TMEFF2: variants seen among roughly 807,000 people sequenced by gnomAD.
The protein encoded by TMEFF2 is tomoregulin-2.
A neutral mutation model predicts 53.8 loss-of-function variants in TMEFF2; 28 were observed. The ratio of observed to expected loss-of-function variants is 0.52; its 90% confidence interval spans 0.39 to 0.71. The LOEUF (loss-of-function observed/expected upper bound fraction) is 0.71, where lower values mean the gene tolerates loss of function less well. TMEFF2 is among the 30% of genes least tolerant of loss of function. The probability of loss-of-function intolerance (pLI) is 0.00; values close to 1 mark genes in which losing one functional copy is unlikely to be tolerated. For missense variants in TMEFF2, 353 were observed against 455.2 expected, an observed-to-expected ratio of 0.78 and a Z score of 2.04; for synonymous variants, 162 against 166.3, an observed-to-expected ratio of 0.97 and a Z score of 0.20.
intron 4 of TMEFF2, among the ~76,000 whole-genome samples, chr2:192,173,882 G>C (rs536701033): frequency 6.6e-6 from 1 of 151,626 alleles, no homozygotes; most frequent in Non-Finnish European, 1.5e-5. Flanking sequence ...TAAACCCTTC[G>C]GAGAAATTAT....
Position 191,950,159 on chromosome 2 carries a change from T to C in TMEFF2, c.*152A>G. 4.2e-6 allele frequency: 6 copies of C among 1,435,816 alleles called. No individual in the cohort carries two copies. Among genetic ancestry groups the C allele is most frequent in the Non-Finnish European group, 4.6e-6 (5 of 1,098,518 alleles). 88.9% of individuals were successfully genotyped at this position (1,435,816 alleles called of 1,614,324 possible). A position where few individuals can be genotyped will look rare whatever the true frequency, so the allele number is the denominator to read the frequency against. On this transcript the variant is annotated 3_prime_UTR_variant, in exon 10 of 10. Transcript: ENST00000272771. The stretch of plus-strand genomic sequence containing the variant: ...CTATTTCAAATATATCCATACATAA[T>C]CAAATATAGCTGTAGTACATGTTTT...
chr2:191,961,582 T>C (rs796246443), intron 7 of TMEFF2, among the ~76,000 whole-genome samples: 11 of 152,270 alleles, frequency 7.2e-5, no homozygotes, highest in African/African-American at 1.9e-4. Context: ...AGGAAAAAAC[T>C]GTTCTGTTCT....
chr2:192,021,186 C>G (rs565695019), intron 5 of TMEFF2, among the ~76,000 whole-genome samples: 32 of 152,288 alleles, frequency 2.1e-4, no homozygotes, highest in African/African-American at 7.7e-4. Flanking sequence ...AGGACACTTA[C>G]TTACTCAATT....
intron 5 of TMEFF2, among the ~76,000 whole-genome samples, chr2:192,022,244 G>A (rs1686874361): frequency 6.6e-6 from 1 of 152,142 alleles, no homozygotes; most frequent in Non-Finnish European, 1.5e-5. Flanking sequence ...AAACCCAGGT[G>A]GGTGTGCAGC....
chr2:192,054,530 T>G (rs535921326), intron 5 of TMEFF2, among the ~76,000 whole-genome samples: 1 of 152,258 alleles, frequency 6.6e-6, no homozygotes, highest in East Asian at 1.9e-4. Flanking sequence ...CTTTTCATAC[T>G]GCCTTCATAC....
At chr2:192,012,514 A>C (rs1038553916) in intron 5 of TMEFF2, among the ~76,000 whole-genome samples, 1 of 152,164 alleles carries the variant, frequency 6.6e-6, no homozygotes, top group African/African-American at 2.4e-5. Flanking sequence ...GGATACTTTC[A>C]TTATTCATCC....
intron 5 of TMEFF2, among the ~76,000 whole-genome samples, chr2:192,056,689 T>TC (rs1318590672): frequency 6.6e-6 from 1 of 152,092 alleles, no homozygotes; most frequent in East Asian, 1.9e-4. Context: ...GCTGTCCCCC[T>TC]CCCCAGATTC....
At chr2:192,028,561 G>A (rs1271957160) in intron 5 of TMEFF2, 2 of 151,958 alleles carry the variant, frequency 1.3e-5, no homozygotes, top group Admixed American at 1.3e-4. Flanking sequence ...CATTTATACT[G>A]AAAATTATGA....
intron 7 of TMEFF2, among the ~76,000 whole-genome samples, chr2:191,996,218 CTT>C (rs1177161098): frequency 2.0e-5 from 3 of 151,694 alleles, no homozygotes; most frequent in Non-Finnish European, 4.4e-5. Context: ...ATTGGAATAA[CTT>C]TATAAATGCA....
rs1191705443 is a variant in TMEFF2, at chr2:192,025,140, A to G, written c.537-25932T>C. ...TAGTGAGGAATCCAGACTTCAAGCT[A>G]TATCAAGCATTGTGTTGGTGATGGA... On this transcript the variant is annotated intron_variant, in intron 5 of 9. Transcript: ENST00000272771. Among the ~76,000 whole-genome samples, 5 of 152,342 alleles carry G rather than the reference A, an allele frequency of 3.3e-5. No individual in the cohort carries two copies. The East Asian group carries it at 9.6e-4, about 29-fold the overall frequency.
At chr2:192,008,850 G>T (rs1185471064) in intron 5 of TMEFF2, among the ~76,000 whole-genome samples, 2 of 152,170 alleles carry the variant, frequency 1.3e-5, no homozygotes, top group African/African-American at 4.8e-5. Context: ...CCTCTGTTAT[G>T]CTTTCACTTG....
intron 7 of TMEFF2, among the ~76,000 whole-genome samples, chr2:191,985,844 A>C (rs1051029273): frequency 6.6e-6 from 1 of 152,156 alleles, no homozygotes; most frequent in African/African-American, 2.4e-5. Context: ...TCAGTAGGTA[A>C]GACAGCACAC....
intron 7 of TMEFF2, among the ~76,000 whole-genome samples, chr2:191,975,151 T>C (rs1393054158): frequency 6.7e-6 from 1 of 149,828 alleles, no homozygotes; most frequent in Non-Finnish European, 1.5e-5. Context: ...ATATAGGAAA[T>C]ATAAAAAACT....
chr2:192,081,098 C>T (rs562430417), intron 4 of TMEFF2, among the ~76,000 whole-genome samples: 14 of 152,234 alleles, frequency 9.2e-5, no homozygotes, highest in African/African-American at 3.4e-4. Context: ...CAGGTATTTT[C>T]GGATGCAATA....
intron 5 of TMEFF2, among the ~76,000 whole-genome samples, chr2:192,008,462 G>T (rs927508680): frequency 1.3e-5 from 2 of 152,120 alleles, no homozygotes; most frequent in Admixed American, 6.6e-5. Context: ...TCTTCCTCAT[G>T]TACGTTTTTA....
At position 191,956,287 on chromosome 2, in the gene TMEFF2, C is replaced by T. The variant is rs1364800638; in HGVS notation, c.837G>A (p.Glu279=). ...ATGGCTCCTGCATATTGATAGAATG[C>T]TCACACTTCCCATGCATGCAGAAGC... ...YNGFCMHGKC[E]HSINMQEPSC... Residue 279 remains glutamate, a synonymous_variant, in exon 8 of 10, where the codon GAG becomes GAA. Transcript: ENST00000272771. 6.2e-7 allele frequency: 1 copy of T among 1,613,704 alleles called. No individual in the cohort carries two copies. Among genetic ancestry groups the T allele is most frequent in the Non-Finnish European group, 8.5e-7 (1 of 1,179,838 alleles).
At chr2:191,971,028 T>C (rs1403675398) in intron 7 of TMEFF2, among the ~76,000 whole-genome samples, 1 of 152,246 alleles carries the variant, frequency 6.6e-6, no homozygotes, top group Non-Finnish European at 1.5e-5. Flanking sequence ...AAGATTCATT[T>C]TTTTTTCTTC....
intron 4 of TMEFF2, among the ~76,000 whole-genome samples, chr2:192,067,381 C>T (rs1393232866): frequency 6.6e-6 from 1 of 151,638 alleles, no homozygotes; most frequent in Non-Finnish European, 1.5e-5. Context: ...AGAGGTGGTG[C>T]CACTGAAAAG....
chr2:192,127,714 C>A (rs1452486806), intron 4 of TMEFF2, among the ~76,000 whole-genome samples: 2 of 152,142 alleles, frequency 1.3e-5, no homozygotes, highest in South Asian at 2.1e-4. Context: ...AAGGCCCAAT[C>A]TTTGTAGCTT....
Sources: gnomAD v4.1 joint callset for allele counts (sites outside exome capture counted in the v4.1 genomes callset) on GRCh38, gnomAD v4.1.1 for gene constraint, MANE v1.5 for transcripts, NCBI Gene and HGNC (gene_info 2026-07-23, HGNC 2026-07-21) for gene names.